Variants in LDB1 observed in about 807,000 individuals in gnomAD.
The protein encoded by LDB1 is LIM domain-binding protein 1.
A neutral mutation model predicts 49.7 loss-of-function variants in LDB1; 6 were observed. That is an observed-to-expected ratio of 0.12 (90% CI 0.07 to 0.24). The LOEUF is 0.24. Among genes scored for constraint, LDB1 ranks in the 10% least tolerant of loss-of-function variants. The probability of loss-of-function intolerance (pLI) is 1.00; values close to 1 mark genes in which losing one functional copy is unlikely to be tolerated. For synonymous variants in LDB1, 233 were observed against 202.0 expected, an observed-to-expected ratio of 1.15 and a Z score of -1.30; for missense variants, 341 against 561.7, an observed-to-expected ratio of 0.61 and a Z score of 3.97.
chr10:102,114,812 G>GGGGGGCCCCCCCCCCCCC, intron 1 of LDB1: 89 of 929,756 alleles, frequency 9.6e-5, no homozygotes, highest in Non-Finnish European at 1.0e-4. Flanking sequence ...CCTCCGAGCA[G>GGGGGGCCCCCCCCCCCCC]CCCGCCCGCC....
chr10:102,108,448 C>G, intron 10 of LDB1, 125 bp from the exon 11 acceptor site: 1 of 680,360 alleles, frequency 1.5e-6, no homozygotes, highest in East Asian at 2.7e-5. Flanking sequence ...CTCCTCATAC[C>G]CGAATTTAAA....
At chr10:102,104,443 A>G (rs546140843), downstream of LDB1, among the ~76,000 whole-genome samples, 13 of 152,164 alleles carry the variant, frequency 8.5e-5, no homozygotes, top group East Asian at 7.7e-4. Flanking sequence ...GCTCTTCAGC[A>G]ATGTGCTAAG....
At chr10:102,104,223 G>A (rs1226863993), downstream of LDB1, among the ~76,000 whole-genome samples, 2 of 152,188 alleles carry the variant, frequency 1.3e-5, no homozygotes, top group African/African-American at 4.8e-5. Flanking sequence ...TGGGAGTCCA[G>A]GAGGGACAGA....
At chr10:102,104,433 G>C (rs78741190), downstream of LDB1, among the ~76,000 whole-genome samples, 369 of 152,022 alleles carry the variant, frequency 2.4e-3, 1 homozygote, top group African/African-American at 8.4e-3. Flanking sequence ...GCAGCACAAA[G>C]CTCTTCAGCA....
chr10:102,119,096 G>A (rs2068370142), intron 1 of LDB1, among the ~76,000 whole-genome samples: 1 of 152,142 alleles, frequency 6.6e-6, no homozygotes, highest in East Asian at 1.9e-4. Flanking sequence ...GTCCAGCTGT[G>A]AAGTATGTAG....
At chr10:102,114,812 G>GGGCC in intron 1 of LDB1, 267 of 929,566 alleles carry the variant, frequency 2.9e-4, no homozygotes, top group Non-Finnish European at 3.2e-4. Flanking sequence ...CCTCCGAGCA[G>GGGCC]CCCGCCCGCC....
rs1187071200 is a variant in LDB1, at chr10:102,116,362, A to G, written c.25+3724T>C. ...ACACCCAGCTAATTTTTGTATTTTT[A>G]GTAGAGACAGGTTTCACTATGTTGG... On this transcript the variant is annotated intron_variant, in intron 1 of 10. Coordinates refer to ENST00000673968, the MANE Select transcript of LDB1 (RefSeq NM_001113407.3). Among the ~76,000 whole-genome samples, 3 of 152,130 alleles carry G rather than the reference A, an allele frequency of 2.0e-5. No individual in the cohort carries two copies. The East Asian group carries it at 5.8e-4, about 29-fold the overall frequency.
At chr10:102,108,663 A>G (rs566604490) in intron 10 of LDB1, among the ~76,000 whole-genome samples, 1 of 152,330 alleles carries the variant, frequency 6.6e-6, no homozygotes, top group Admixed American at 6.5e-5. Context: ...GAGGGAGGGC[A>G]GTGTGTGCAT....
rs1010325142 is a variant in LDB1, at chr10:102,117,647, G to A, written c.25+2439C>T. 1.3e-5 allele frequency among the ~76,000 whole-genome samples: 2 copies of A among 151,992 alleles called. No homozygotes were observed. The highest frequency in any genetic ancestry group is 4.8e-5 in the African/African-American group (2 of 41,374). ...TGGCGCTCTGCCATCCTCCTCTCCT[G>A]GCTCCCAGCCGCCACCACTGCTGCC... On this transcript the variant is annotated intron_variant, in intron 1 of 10. Coordinates refer to ENST00000673968, the MANE Select transcript of LDB1 (RefSeq NM_001113407.3). The surrounding 1 kb of genome is among the most constrained non-coding windows in gnomAD (Gnocchi z 4.2).
chr10:102,108,810 C>T (rs933670589), intron 10 of LDB1, among the ~76,000 whole-genome samples: 9 of 152,184 alleles, frequency 5.9e-5, no homozygotes, highest in Non-Finnish European at 1.2e-4. Context: ...GTCTCTGTCC[C>T]TTTATGCCCT....
intron 1 of LDB1, chr10:102,114,810 C>G (rs2068311512): frequency 1.0e-6 from 1 of 962,970 alleles, no homozygotes; most frequent in Non-Finnish European, 1.2e-6. Flanking sequence ...TGCCTCCGAG[C>G]AGCCCGCCCG....
chr10:102,109,721 C>A lies in LDB1; in HGVS notation c.649-38G>T. ...AAAAGACAAGAAAGAACACTGACAC[C>A]TGGGTTGCCTCTGCTCACCTGCCCT... On this transcript the variant is annotated intron_variant, in intron 7 of 10. Transcript: ENST00000673968. The surrounding 1 kb of genome is among the most constrained non-coding windows in gnomAD (Gnocchi z 5.8). The A allele has an allele frequency of 1.2e-6, 2 of 1,602,672 alleles. No homozygotes were observed. The highest frequency in any genetic ancestry group is 1.7e-6 in the Non-Finnish European group (2 of 1,169,852).
At chr10:102,118,860 C>T (rs2068366004) in intron 1 of LDB1, among the ~76,000 whole-genome samples, 1 of 152,208 alleles carries the variant, frequency 6.6e-6, no homozygotes, top group East Asian at 1.9e-4. Flanking sequence ...GCTCTTCCCT[C>T]TCCTCTCCCC....
intron 1 of LDB1, among the ~76,000 whole-genome samples, chr10:102,111,919 A>G (rs543598978): frequency 1.3e-5 from 2 of 152,272 alleles, no homozygotes; most frequent in South Asian, 2.1e-4. Flanking sequence ...CTGTGTGGAT[A>G]GGGACGGTCT....
At chr10:102,104,445 T>C (rs746822493), downstream of LDB1, among the ~76,000 whole-genome samples, 3 of 151,990 alleles carry the variant, frequency 2.0e-5, no homozygotes, top group Non-Finnish European at 4.4e-5. Context: ...TCTTCAGCAA[T>C]GTGCTAAGGC....
At chr10:102,113,726 G>C (rs943466783) in intron 1 of LDB1, among the ~76,000 whole-genome samples, 19 of 150,390 alleles carry the variant, frequency 1.3e-4, no homozygotes, top group Non-Finnish European at 5.9e-5. Context: ...GAAGAGACAG[G>C]AGGCAGGACG....
In LDB1 at chr10:102,117,010, T is replaced by TG. The variant is rs2068343183; in HGVS notation, c.25+3075dup. ...CTGAGACAGGATGACCAGGGTGGGC[T>TG]GGGGGGTGGGGGGGTTGAACCCTGC... On this transcript the variant is annotated intron_variant, in intron 1 of 10. Transcript: ENST00000673968. The surrounding 1 kb of genome is among the most constrained non-coding windows in gnomAD (Gnocchi z 4.2). Among the ~76,000 whole-genome samples the TG allele has an allele frequency of 3.4e-5, 1 of 29,734 alleles. No individual in the cohort carries two copies. The highest frequency in any genetic ancestry group is 1.3e-3 in the South Asian group (1 of 752). The allele number at this position is 29,734 out of a possible 152,430, so 19.5% of individuals were successfully genotyped here. A position where few individuals can be genotyped will look rare whatever the true frequency, so the allele number is the denominator to read the frequency against.
chr10:102,110,411 CTTATTT>C (rs1416878133), intron 6 of LDB1, 112 bp downstream of exon 6: 6 of 1,045,048 alleles, frequency 5.7e-6, no homozygotes, highest in Non-Finnish European at 6.9e-6. Context: ...ACCCGCCCTT[CTTATTT>C]TGCCAGTTCA....
chr10:102,108,713 C>A (rs2068206080), intron 10 of LDB1, among the ~76,000 whole-genome samples: 1 of 152,204 alleles, frequency 6.6e-6, no homozygotes, highest in Non-Finnish European at 1.5e-5. Flanking sequence ...ACACTCCAGT[C>A]TGCATGTCTA....
Sources: allele counts gnomAD v4.1 joint callset (sites outside exome capture counted in the v4.1 genomes callset), GRCh38; gene constraint gnomAD v4.1.1; non-coding constraint Gnocchi (gnomAD v3.1); transcripts MANE v1.5; gene names NCBI Gene and HGNC (gene_info 2026-07-23, HGNC 2026-07-21).